SYCP2L: variants seen among roughly 807,000 people sequenced by gnomAD.
The protein encoded by SYCP2L is synaptonemal complex protein 2-like.
In SYCP2L, 98 loss-of-function variants were observed where a neutral mutation model predicts 125.8. The observed-to-expected ratio is 0.78, with a 90% CI of 0.66 to 0.92. The LOEUF is 0.92. Among genes scored for constraint, SYCP2L ranks in the 40% least tolerant of loss-of-function variants. The pLI, the probability that SYCP2L is intolerant of heterozygous loss-of-function variation, is 0.00. For missense variants in SYCP2L, 842 were observed against 936.4 expected, an observed-to-expected ratio of 0.90 and a Z score of 1.32; for synonymous variants, 317 against 325.4, an observed-to-expected ratio of 0.97 and a Z score of 0.28.
chr6:10,969,211 G>A (rs1395107133), intron 29 of SYCP2L, among the ~76,000 whole-genome samples: 1 of 152,104 alleles, frequency 6.6e-6, no homozygotes, highest in Non-Finnish European at 1.5e-5. Context: ...ACCTTGAAGA[G>A]TATAGTAGTT....
intron 29 of SYCP2L, among the ~76,000 whole-genome samples, chr6:10,970,407 A>C (rs936171818): frequency 3.3e-5 from 5 of 152,174 alleles, no homozygotes; most frequent in African/African-American, 1.2e-4. Flanking sequence ...GGCCGTGGTA[A>C]GGAGTTTGGA....
intron 23 of SYCP2L, among the ~76,000 whole-genome samples, chr6:10,953,140 T>C (rs1306340930): frequency 6.6e-6 from 1 of 152,156 alleles, no homozygotes; most frequent in Admixed American, 6.5e-5. Flanking sequence ...GTTACTATTA[T>C]TACTAGTTTA....
rs759581907 is a variant in SYCP2L, at chr6:10,956,099, TGTTA to T, written c.2057-33_2057-30del. 9.5e-5 allele frequency: 144 copies of T among 1,519,006 alleles called. 1 individual carries two copies. Among genetic ancestry groups the T allele is most frequent in the Non-Finnish European group, 1.9e-5 (21 of 1,097,962 alleles). The allele number at this position is 1,519,006 out of a possible 1,614,324, so 94.1% of individuals were successfully genotyped here. ...TTGAGCAAGTCTACTTTGAACACTT[TGTTA>T]GTTTTATTCCATGTTTTGTTTTTGT... On this transcript the variant is annotated intron_variant, in intron 24 of 29. Transcript: ENST00000283141.
intron 24 of SYCP2L, 86 bp downstream of exon 24, chr6:10,955,303 G>T (rs1781484048): frequency 2.4e-6 from 2 of 827,912 alleles, no homozygotes; most frequent in Non-Finnish European, 4.0e-6. Flanking sequence ...TCACAAGGGA[G>T]GTATAGTTTT....
In SYCP2L at chr6:10,955,208, G is replaced by C. The variant is rs751100586; in HGVS notation, c.2047G>C (p.Glu683Gln). Residue 683 changes from glutamate (E) to glutamine (Q), a missense_variant, in exon 24 of 30, where the codon GAG (glutamate) becomes CAG (glutamine). Glu to Gln is a conservative substitution (Grantham distance 29). Coordinates refer to ENST00000283141, the MANE Select transcript of SYCP2L (RefSeq NM_001040274.3). The part of the protein sequence containing the change: ...GSPFSITEER[E>Q]LPEGISTSSL... ...CCCTTTCTCAATAACAGAAGAAAGAGAGTTGCCAGGTAACATCATGCACCC... is the reference window on the plus strand; with the variant it reads ...CCCTTTCTCAATAACAGAAGAAAGACAGTTGCCAGGTAACATCATGCACCC... 14 of 1,606,890 alleles carry C rather than the reference G, an allele frequency of 8.7e-6. No homozygotes were observed. The highest frequency in any genetic ancestry group is 1.2e-5 in the Non-Finnish European group (14 of 1,173,344).
intron 21 of SYCP2L, among the ~76,000 whole-genome samples, chr6:10,938,476 T>C (rs1266562994): frequency 6.6e-6 from 1 of 152,174 alleles, no homozygotes; most frequent in East Asian, 1.9e-4. Flanking sequence ...AGCTGAAAGC[T>C]TTTCCTCTAA....
chr6:10,920,341 C>T (rs1780773121), intron 14 of SYCP2L, among the ~76,000 whole-genome samples: 1 of 152,166 alleles, frequency 6.6e-6, no homozygotes, highest in Non-Finnish European at 1.5e-5. Flanking sequence ...CCTCAGCCTC[C>T]TGAGTAGCTG....
chr6:10,957,827 A>T (rs949330928), intron 25 of SYCP2L, among the ~76,000 whole-genome samples: 3 of 152,014 alleles, frequency 2.0e-5, no homozygotes, highest in East Asian at 1.9e-4. Flanking sequence ...TATTTTTTTT[A>T]AAAAAGAGCA....
rs139107424 is a variant in SYCP2L, at chr6:10,910,921, A to T, written c.918+52A>T. The T allele has an allele frequency of 8.6e-3, 13,774 of 1,599,348 alleles. 71 individuals are homozygous for T. The highest frequency in any genetic ancestry group is 0.014 in the Middle Eastern group (86 of 6,028). On this transcript the variant is annotated intron_variant, in intron 12 of 29. Coordinates refer to ENST00000283141, the MANE Select transcript of SYCP2L (RefSeq NM_001040274.3). ...GAGGGCGGTGTGCAGTGAAACCAGG[A>T]GTTAGGTTTACGTGGTTAGATCAAA...
chr6:10,930,038 T>G (rs1780963271), intron 18 of SYCP2L: 1 of 164,564 alleles, frequency 6.1e-6, no homozygotes, highest in African/African-American at 2.4e-5. Context: ...TCCCATACTT[T>G]TCTTTTGCCA....
chr6:10,923,380 C>CTTTTTTTTTT (rs1226992236), intron 14 of SYCP2L, among the ~76,000 whole-genome samples: 2 of 92,460 alleles, frequency 2.2e-5, no homozygotes, highest in Non-Finnish European at 3.9e-5. Flanking sequence ...GAAACACACA[C>CTTTTTTTTTT]TTTTTTTTTT....
Position 10,928,033 on chromosome 6 carries a change from A to G in SYCP2L, c.1441-370A>G, listed in dbSNP as rs561667694. On this transcript the variant is annotated intron_variant, in intron 17 of 29. Coordinates refer to ENST00000283141, the MANE Select transcript of SYCP2L (RefSeq NM_001040274.3). ...TTAAGGTTATCTCTCTTATTCCCTG[A>G]ACATTGCTGTTATCCTGTTCTTTTT... Among the ~76,000 whole-genome samples, 12 of 152,288 alleles carry G rather than the reference A, an allele frequency of 7.9e-5. No individual in the cohort carries two copies. The South Asian group carries it at 2.5e-3, about 32-fold the overall frequency.
chr6:10,941,922 A>C (rs1336898547), intron 21 of SYCP2L, among the ~76,000 whole-genome samples: 26 of 152,136 alleles, frequency 1.7e-4, no homozygotes, highest in Non-Finnish European at 1.0e-4. Context: ...CAACAACGAT[A>C]GACTGGATTA....
At chr6:10,916,166 A>G (rs1301551896) in intron 14 of SYCP2L, among the ~76,000 whole-genome samples, 1 of 152,096 alleles carries the variant, frequency 6.6e-6, no homozygotes. Context: ...CAGTTGTAAT[A>G]TCTCCTGTTT....
At chr6:10,913,701 C>T (rs950553569) in intron 14 of SYCP2L, among the ~76,000 whole-genome samples, 3 of 152,036 alleles carry the variant, frequency 2.0e-5, no homozygotes, top group South Asian at 4.2e-4. Context: ...CCTTTTGCCA[C>T]GCAAAAGATC....
At chr6:10,891,660 T>TATATGA in intron 2 of SYCP2L, 79 bp downstream of exon 2, 5 of 860,856 alleles carry the variant, frequency 5.8e-6, no homozygotes, top group Non-Finnish European at 9.0e-6. Flanking sequence ...TGTGTGTGTG[T>TATATGA]GTGTATGTGT....
chr6:10,907,469 T>G, intron 9 of SYCP2L, 73 bp from the exon 10 acceptor site: 1 of 1,448,428 alleles, frequency 6.9e-7, no homozygotes, highest in Non-Finnish European at 9.3e-7. Context: ...GAGCAAGTGC[T>G]AAATCTGGAA....
At chr6:10,923,048 C>T (rs1014405283) in intron 14 of SYCP2L, among the ~76,000 whole-genome samples, 2 of 152,050 alleles carry the variant, frequency 1.3e-5, no homozygotes, top group African/African-American at 2.4e-5. Flanking sequence ...GTATTTTGTG[C>T]TTACAGAGCA....
intron 21 of SYCP2L, among the ~76,000 whole-genome samples, chr6:10,941,927 G>A (rs1201753690): frequency 6.6e-6 from 1 of 152,014 alleles, no homozygotes; most frequent in Non-Finnish European, 1.5e-5. Context: ...ACGATAGACT[G>A]GATTAAGAAA....
Sources: allele counts gnomAD v4.1 joint callset (sites outside exome capture counted in the v4.1 genomes callset), GRCh38; gene constraint gnomAD v4.1.1; transcripts MANE v1.5; gene names NCBI Gene and HGNC (gene_info 2026-07-23, HGNC 2026-07-21).